Variants in TSGA10 observed in about 807,000 individuals in gnomAD.
TSGA10 encodes the protein testis-specific gene 10 protein.
TSGA10 carries 43 observed loss-of-function variants against 96.6 expected under a neutral mutation model. The observed-to-expected ratio is 0.44, with a 90% confidence interval of 0.35 to 0.57. The LOEUF (loss-of-function observed/expected upper bound fraction) is 0.57. TSGA10 is among the 20% of genes least tolerant of loss of function. The probability of loss-of-function intolerance (pLI) is 0.01; values close to 1 mark genes in which losing one functional copy is unlikely to be tolerated. For missense variants in TSGA10, 703 were observed against 834.4 expected (o/e 0.84, Z 1.94); for synonymous variants, 229 against 269.9 (o/e 0.85, Z 1.48).
chr2:99,064,187 G>A (rs1445101352), intron 16 of TSGA10, among the ~76,000 whole-genome samples: 1 of 152,038 alleles, frequency 6.6e-6, no homozygotes, highest in East Asian at 1.9e-4. Flanking sequence ...ATGTAGTCAA[G>A]GAGAAATGTA....
At chr2:99,017,281 A>G (rs1345826528) in intron 20 of TSGA10, among the ~76,000 whole-genome samples, 1 of 152,236 alleles carries the variant, frequency 6.6e-6, no homozygotes, top group African/African-American at 2.4e-5. Flanking sequence ...ACAAGTGGAT[A>G]AAGAAAATGT....
At chr2:99,048,990 C>T (rs570513933) in intron 16 of TSGA10, among the ~76,000 whole-genome samples, 1 of 152,310 alleles carries the variant, frequency 6.6e-6, no homozygotes, top group South Asian at 2.1e-4. Context: ...AGCTCATCAT[C>T]ACTGGTCATT....
rs565624181 is a variant in TSGA10 at position 99,109,467 on chromosome 2, A to C, written c.-28T>G. On this transcript the variant is annotated 5_prime_UTR_variant, in exon 6 of 21. Transcript: ENST00000393483. ...TTCTCAAATGTTGAGCTTCACTCTTATAGTGATCTTTGTCTGCTTCCAAAG... is the reference window on the plus strand; with the variant it reads ...TTCTCAAATGTTGAGCTTCACTCTTCTAGTGATCTTTGTCTGCTTCCAAAG... 6.8e-6 allele frequency: 11 copies of C among 1,611,060 alleles called. No homozygotes were observed. In the East Asian group the frequency reaches 8.9e-5, roughly 13 times the overall value.
chr2:99,088,759 T>A (rs1292838514), intron 10 of TSGA10, among the ~76,000 whole-genome samples: 1 of 152,194 alleles, frequency 6.6e-6, no homozygotes, highest in Non-Finnish European at 1.5e-5. Context: ...TATTCATGAA[T>A]TACAGCTAAA....
At chr2:99,143,190 G>A (rs1315585769) in intron 1 of TSGA10, among the ~76,000 whole-genome samples, 5 of 139,026 alleles carry the variant, frequency 3.6e-5, no homozygotes, top group South Asian at 2.3e-4. Context: ...CGCCCAGGCT[G>A]GAGTGCAGTG....
chr2:99,102,828 C>G lies in TSGA10; in HGVS notation c.611+1139G>C, dbSNP rs960017526. The G allele has an allele frequency of 1.2e-5, 14 of 1,203,176 alleles. No individual in the cohort carries two copies. The East Asian group carries it at 3.0e-4, about 26-fold the overall frequency. The allele number at this position is 1,203,176 out of a possible 1,614,324, so 74.5% of individuals were successfully genotyped here. On this transcript the variant is annotated intron_variant, in intron 10 of 20. Coordinates refer to ENST00000393483, the MANE Select transcript of TSGA10 (RefSeq NM_025244.4). ...TCATACCCAGAACTGTAAATATAAA[C>G]CTAAATATTTGGCCAATAGTTTTCA...
chr2:99,042,039 CATTT>C (rs2082240627), intron 16 of TSGA10, among the ~76,000 whole-genome samples: 2 of 140,106 alleles, frequency 1.4e-5, no homozygotes, highest in Admixed American at 7.1e-5. Flanking sequence ...TGCCCCCCCA[CATTT>C]TTTTTTTTTT....
At chr2:99,091,802 G>C (rs1447992140) in intron 10 of TSGA10, among the ~76,000 whole-genome samples, 2 of 152,000 alleles carry the variant, frequency 1.3e-5, no homozygotes, top group African/African-American at 4.8e-5. Flanking sequence ...AATTGACATA[G>C]ACAGAAGCAC....
intron 20 of TSGA10, among the ~76,000 whole-genome samples, chr2:99,005,216 C>T (rs886761333): frequency 6.6e-6 from 1 of 152,140 alleles, no homozygotes. Context: ...GGAAGCATTC[C>T]CTTGAAGACT....
Position 99,045,093 on chromosome 2 carries a change from C to A in TSGA10, c.1405-9654G>T, listed in dbSNP as rs184439409. On this transcript the variant is annotated intron_variant, in intron 16 of 20. Coordinates refer to ENST00000393483, the MANE Select transcript of TSGA10 (RefSeq NM_025244.4). ...AAAGAAAGCAAGAAAAATCTAAAAT[C>A]GACACCCTAACATCACAATTAAAAG... 4.7e-3 allele frequency among the ~76,000 whole-genome samples: 722 copies of A among 152,056 alleles called. 9 individuals carry two copies. Among genetic ancestry groups the A allele is most frequent in the African/African-American group, 0.017 (687 of 41,492 alleles).
At chr2:99,021,625 G>T (rs998593301) in intron 17 of TSGA10, among the ~76,000 whole-genome samples, 1 of 152,112 alleles carries the variant, frequency 6.6e-6, no homozygotes, top group African/African-American at 2.4e-5. Context: ...TTGGAGTGGG[G>T]GCAGCACTAT....
chr2:99,056,474 C>G (rs1311906456), intron 16 of TSGA10, among the ~76,000 whole-genome samples: 1 of 151,936 alleles, frequency 6.6e-6, no homozygotes, highest in Admixed American at 6.6e-5. Context: ...TGAACAAATT[C>G]CTAGAAAACA....
intron 20 of TSGA10, among the ~76,000 whole-genome samples, chr2:99,002,955 G>C (rs1294262372): frequency 6.6e-6 from 1 of 151,994 alleles, no homozygotes; most frequent in Non-Finnish European, 1.5e-5. Flanking sequence ...CACCTCCCAG[G>C]TTCAAGCAAT....
At chr2:99,072,047 G>A (rs1173098001) in intron 13 of TSGA10, among the ~76,000 whole-genome samples, 173 bp from the exon 14 acceptor site, 1 of 152,186 alleles carries the variant, frequency 6.6e-6, no homozygotes, top group Admixed American at 6.5e-5. Context: ...GTTTCTCAAT[G>A]TTGCCATCAT....
chr2:99,059,051 T>C (rs995749738), intron 16 of TSGA10, among the ~76,000 whole-genome samples: 1 of 61,064 alleles, frequency 1.6e-5, no homozygotes, highest in South Asian at 3.6e-4. Context: ...AAAAAAATAA[T>C]ATATATATAT....
chr2:99,110,535 T>C (rs1401570907), intron 5 of TSGA10, among the ~76,000 whole-genome samples: 1 of 152,230 alleles, frequency 6.6e-6, no homozygotes, highest in African/African-American at 2.4e-5. Context: ...TAAAAGTTAA[T>C]GTGTAAACAA....
At chr2:99,138,470 C>T (rs187484323) in intron 1 of TSGA10, among the ~76,000 whole-genome samples, 11 of 152,130 alleles carry the variant, frequency 7.2e-5, no homozygotes, top group African/African-American at 1.4e-4. Context: ...AAAGGTGAAA[C>T]GCAATAAAAC....
At chr2:99,117,782 C>T in intron 3 of TSGA10, 23 bp from the exon 4 acceptor site, 1 of 969,512 alleles carries the variant, frequency 1.0e-6, no homozygotes, top group Non-Finnish European at 1.2e-6. Flanking sequence ...GAAAAAAAAT[C>T]ACATTAAAAT....
chr2:99,042,337 G>A (rs1450416849), intron 16 of TSGA10, among the ~76,000 whole-genome samples: 1 of 152,062 alleles, frequency 6.6e-6, no homozygotes, highest in East Asian at 1.9e-4. Flanking sequence ...GTTGGCCCTG[G>A]GGCATCCTAA....
Sources: allele counts gnomAD v4.1 joint callset (sites outside exome capture counted in the v4.1 genomes callset), GRCh38; gene constraint gnomAD v4.1.1; transcripts MANE v1.5; gene names NCBI Gene and HGNC (gene_info 2026-07-23, HGNC 2026-07-21).